ZNF519: variants seen among roughly 807,000 people sequenced by gnomAD.
ZNF519 encodes zinc finger protein 519, also known as similar to Zinc finger protein 85 (Zinc finger protein HPF4) (HTF1).
Under a neutral mutation model 7.4 loss-of-function variants are expected in ZNF519, and 7 were observed. That is an observed-to-expected ratio of 0.94 (90% confidence interval 0.54 to 1.77). The LOEUF is 1.77. ZNF519 is among the 40% of genes most tolerant of loss of function. The pLI is 0.00. For synonymous variants in ZNF519, 179 were observed against 203.3 expected, an observed-to-expected ratio of 0.88 and a Z score of 1.02; for missense variants, 586 against 623.1, an observed-to-expected ratio of 0.94 and a Z score of 0.63.
intron 2 of ZNF519, among the ~76,000 whole-genome samples, chr18:14,119,047 C>G (rs1156382549): frequency 6.6e-6 from 1 of 152,124 alleles, no homozygotes; most frequent in Non-Finnish European, 1.5e-5. Flanking sequence ...AAATCTCTAC[C>G]CTAGTGCCTG....
chr18:14,114,970 A>T (rs1426343001), intron 2 of ZNF519, among the ~76,000 whole-genome samples: 1 of 152,082 alleles, frequency 6.6e-6, no homozygotes, highest in Non-Finnish European at 1.5e-5. Flanking sequence ...AAAAGTAAAA[A>T]ATATATATAA....
At chr18:14,108,791 G>A (rs1275107123) in intron 2 of ZNF519, among the ~76,000 whole-genome samples, 13 of 152,006 alleles carry the variant, frequency 8.6e-5, no homozygotes, top group Admixed American at 4.6e-4. Flanking sequence ...AGACAAAGAC[G>A]GTTATCTATA....
At chr18:14,086,830 A>C (rs781248365) in intron 2 of ZNF519, among the ~76,000 whole-genome samples, 58 of 152,338 alleles carry the variant, frequency 3.8e-4, no homozygotes, top group Non-Finnish European at 6.9e-4. Context: ...GTAATGAACC[A>C]AATAAAAAAT....
chr18:14,124,632 G>A (rs2143166989), intron 1 of ZNF519, among the ~76,000 whole-genome samples, 156 bp from the exon 2 acceptor site: 1 of 152,148 alleles, frequency 6.6e-6, no homozygotes, highest in East Asian at 1.9e-4. Flanking sequence ...AACTCTGAGG[G>A]AAAAGGATGC....
chr18:14,115,322 C>T (rs550960328), intron 2 of ZNF519, among the ~76,000 whole-genome samples: 7 of 152,284 alleles, frequency 4.6e-5, no homozygotes, highest in South Asian at 4.1e-4. Flanking sequence ...GGGTTTGGCT[C>T]CCCTGACAGA....
chr18:14,126,177 C>T (rs1297361976), intron 1 of ZNF519, among the ~76,000 whole-genome samples: 6 of 152,166 alleles, frequency 3.9e-5, no homozygotes, highest in Non-Finnish European at 7.3e-5. Flanking sequence ...AGTTTAGCAG[C>T]AGAGGGTGGA....
In ZNF519 at chr18:14,102,540, A is replaced by G. The variant is rs1192612540; in HGVS notation, c.*2377T>C. On this transcript the variant is annotated 3_prime_UTR_variant, in exon 3 of 3. Coordinates refer to ENST00000590202, the MANE Select transcript of ZNF519 (RefSeq NM_145287.4). Reference sequence around the variant, plus strand: ...TACTGAATGCAGAAAAAGCAAACATATAAATTTCAACATTTACAAGTCACA... The same window carrying G: ...TACTGAATGCAGAAAAAGCAAACATGTAAATTTCAACATTTACAAGTCACA... 6.6e-6 allele frequency: 1 copy of G among 152,204 alleles called. No individual in the cohort carries two copies. Among genetic ancestry groups the G allele is most frequent in the Non-Finnish European group, 1.5e-5 (1 of 68,050 alleles). The allele number at this position is 152,204 out of a possible 1,614,324, so 9.4% of individuals were successfully genotyped here. A position where few individuals can be genotyped will look rare whatever the true frequency, so the allele number is the denominator to read the frequency against.
At chr18:14,079,455 C>G (rs2046061708) in intron 3 of ZNF519, among the ~76,000 whole-genome samples, 2 of 152,044 alleles carry the variant, frequency 1.3e-5, no homozygotes, top group Non-Finnish European at 2.9e-5. Context: ...ATTGCCAACA[C>G]AATATTGTAG....
downstream of ZNF519, among the ~76,000 whole-genome samples, chr18:14,098,313 C>T (rs559063404): frequency 6.6e-6 from 1 of 152,034 alleles, no homozygotes; most frequent in African/African-American, 2.4e-5. Flanking sequence ...GCACCCACCA[C>T]AACGCCTGGC....
chr18:14,091,194 A>C (rs974571880), intron 2 of ZNF519, among the ~76,000 whole-genome samples: 2 of 152,124 alleles, frequency 1.3e-5, no homozygotes, highest in Non-Finnish European at 2.9e-5. Context: ...ATAATGGATA[A>C]ATTTTTTTTA....
At chr18:14,090,084 C>A (rs964709921) in intron 2 of ZNF519, 1 of 152,212 alleles carries the variant, frequency 6.6e-6, no homozygotes, top group Non-Finnish European at 1.5e-5. Context: ...CAGGGGTAGA[C>A]ACCGGTGTGT....
intron 2 of ZNF519, chr18:14,089,785 C>T (rs536095619): frequency 6.6e-6 from 1 of 152,206 alleles, no homozygotes; most frequent in East Asian, 1.9e-4. Flanking sequence ...AAAAAATAAT[C>T]ATTAAACAGT....
At chr18:14,118,091 C>T (rs1402510550) in intron 2 of ZNF519, among the ~76,000 whole-genome samples, 1 of 152,154 alleles carries the variant, frequency 6.6e-6, no homozygotes, top group Non-Finnish European at 1.5e-5. Context: ...CAGAGTCTCG[C>T]TCTGTCGTCC....
At chr18:14,072,805 C>T (rs2143064353), downstream of ZNF519, 1 of 152,258 alleles carries the variant, frequency 6.6e-6, no homozygotes, top group Non-Finnish European at 1.5e-5. Context: ...TCTCACAGTT[C>T]AAGACTCCCT....
At chr18:14,124,546 T>C (rs556638109) in intron 1 of ZNF519, 70 bp from the exon 2 acceptor site, 1 of 1,545,436 alleles carries the variant, frequency 6.5e-7, no homozygotes, top group East Asian at 2.3e-5. Context: ...AAATAACTAG[T>C]TCTGACTTAT....
intron 3 of ZNF519, chr18:14,080,195 T>C (rs2046064881): frequency 6.6e-6 from 1 of 151,720 alleles, no homozygotes; most frequent in Admixed American, 6.6e-5. Flanking sequence ...TTACCTATAA[T>C]GGCCAAAATC....
chr18:14,124,131 C>T (rs1037032473), intron 2 of ZNF519: 12 of 282,714 alleles, frequency 4.2e-5, no homozygotes, highest in Non-Finnish European at 7.6e-5. Flanking sequence ...CAAGATCGCG[C>T]CATTGCACTC....
At chr18:14,078,843 AT>A (rs201925746) in intron 3 of ZNF519, among the ~76,000 whole-genome samples, 1 of 152,186 alleles carries the variant, frequency 6.6e-6, no homozygotes, top group East Asian at 1.9e-4. Context: ...AAGTACTAAA[AT>A]AAAAGCTAAT....
chr18:14,093,463 G>A (rs1050636367), intron 2 of ZNF519, among the ~76,000 whole-genome samples: 4 of 152,114 alleles, frequency 2.6e-5, no homozygotes, highest in African/African-American at 9.7e-5. Context: ...GTACATATAT[G>A]TATACTCATA....
Sources: gnomAD v4.1 joint callset for allele counts (sites outside exome capture counted in the v4.1 genomes callset) on GRCh38, gnomAD v4.1.1 for gene constraint, MANE v1.5 for transcripts, NCBI Gene and HGNC (gene_info 2026-07-23, HGNC 2026-07-21) for gene names.